The following IL1RAPL2 variants were observed in gnomAD, a reference collection of about 807,000 sequenced individuals.
IL1RAPL2 encodes the protein interleukin 1 receptor accessory protein like 2, also known as X-linked interleukin-1 receptor accessory protein-like 2.
A neutral mutation model predicts 44.1 loss-of-function variants in IL1RAPL2; 3 were observed. The observed-to-expected ratio is 0.07, with a 90% confidence interval of 0.03 to 0.18. The LOEUF is 0.18. IL1RAPL2 is among the 10% of genes least tolerant of loss of function. The pLI is 1.00. For synonymous variants in IL1RAPL2, 181 were observed against 178.8 expected (o/e 1.01, Z -0.10); for missense variants, 391 against 496.4 (o/e 0.79, Z 2.02).
Position 105,276,089 on chromosome X carries a change from A to G in IL1RAPL2, c.697+8548A>G, listed in dbSNP as rs1005906801. ...ATTTACTACTGATGTCTGAAACCAA[A>G]TCAGCAGAGGTAGCCGCTAACAATA... On this transcript the variant is annotated intron_variant, in intron 5 of 10. Coordinates refer to ENST00000372582, the MANE Select transcript of IL1RAPL2 (RefSeq NM_017416.2). 2.7e-5 allele frequency among the ~76,000 whole-genome samples: 3 copies of G among 112,651 alleles called. No individual in the cohort carries two copies. The Admixed American group carries it at 2.8e-4, about 11-fold the overall frequency.
At chrX:104,667,471 T>A (rs1930505428) in intron 2 of IL1RAPL2, among the ~76,000 whole-genome samples, 1 of 111,392 alleles carries the variant, frequency 9.0e-6, no homozygotes, top group South Asian at 3.9e-4. Context: ...TTACATACAT[T>A]GTCTCCTAAT....
intron 2 of IL1RAPL2, among the ~76,000 whole-genome samples, chrX:105,118,743 G>T (rs767183443): frequency 8.9e-6 from 1 of 112,208 alleles, no homozygotes; most frequent in Non-Finnish European, 1.9e-5. Context: ...TCCTGTTTGG[G>T]AAAACTCATG....
intron 2 of IL1RAPL2, among the ~76,000 whole-genome samples, chrX:105,161,047 C>T (rs900008183): frequency 3.6e-5 from 4 of 110,347 alleles, no homozygotes; most frequent in Admixed American, 2.9e-4. Context: ...TGAGACCAGC[C>T]TGGGCAACAT....
chrX:105,298,665 G>A (rs1417452766), intron 5 of IL1RAPL2, among the ~76,000 whole-genome samples: 2 of 110,088 alleles, frequency 1.8e-5, no homozygotes, highest in Non-Finnish European at 3.8e-5. Context: ...CTATTTAAAT[G>A]ACACTTAAAG....
intron 1 of IL1RAPL2, among the ~76,000 whole-genome samples, chrX:104,592,948 G>C (rs1928697795): frequency 9.0e-6 from 1 of 111,605 alleles, no homozygotes; most frequent in Admixed American, 9.6e-5. Context: ...GTAACACTCA[G>C]ACAAATCCCA....
At chrX:104,707,397 A>G (rs1198516310) in intron 2 of IL1RAPL2, among the ~76,000 whole-genome samples, 3 of 111,877 alleles carry the variant, frequency 2.7e-5, no homozygotes, top group Non-Finnish European at 5.7e-5. Flanking sequence ...CAGAAAACCT[A>G]GTATGAAAGA....
chrX:105,358,861 A>T (rs367792098), intron 5 of IL1RAPL2, among the ~76,000 whole-genome samples: 32 of 111,616 alleles, frequency 2.9e-4, no homozygotes, highest in African/African-American at 9.1e-4. Flanking sequence ...CTCTGTAAGG[A>T]AGTAAGAAAA....
intron 6 of IL1RAPL2, among the ~76,000 whole-genome samples, chrX:105,700,752 A>G (rs1206668589): frequency 8.9e-6 from 1 of 111,930 alleles, no homozygotes; most frequent in Non-Finnish European, 1.9e-5. Flanking sequence ...TCATTATTTT[A>G]CTACCCCTTT....
chrX:105,245,278 C>G (rs978110392), intron 4 of IL1RAPL2, among the ~76,000 whole-genome samples: 1 of 111,507 alleles, frequency 9.0e-6, no homozygotes, highest in African/African-American at 3.3e-5. Flanking sequence ...TCTCATAGTC[C>G]GTTTTGAGTT....
At chrX:104,567,353 C>T (rs1325436742) in intron 1 of IL1RAPL2, among the ~76,000 whole-genome samples, 1 of 112,866 alleles carries the variant, frequency 8.9e-6, no homozygotes. Flanking sequence ...CTCTCTGCGG[C>T]TGGCGCGCGG....
intron 2 of IL1RAPL2, among the ~76,000 whole-genome samples, chrX:104,897,684 G>A (rs1923694972): frequency 8.9e-6 from 1 of 112,111 alleles, no homozygotes; most frequent in Non-Finnish European, 1.9e-5. Flanking sequence ...AAAAACCTGT[G>A]CAGAAATCAG....
At chrX:104,675,837 C>A (rs1352937524) in intron 2 of IL1RAPL2, among the ~76,000 whole-genome samples, 5 of 109,250 alleles carry the variant, frequency 4.6e-5, no homozygotes, top group African/African-American at 1.0e-4. Context: ...TGAATTGATC[C>A]CTTTACCATT....
intron 2 of IL1RAPL2, among the ~76,000 whole-genome samples, chrX:104,659,344 T>G (rs968254515): frequency 1.8e-5 from 2 of 112,096 alleles, no homozygotes; most frequent in African/African-American, 6.5e-5. Flanking sequence ...CTTTGCCTCC[T>G]AATTGAGTGT....
chrX:105,048,120 T>C (rs912267935), intron 2 of IL1RAPL2, among the ~76,000 whole-genome samples: 3 of 110,865 alleles, frequency 2.7e-5, no homozygotes, highest in Non-Finnish European at 5.7e-5. Context: ...GGAGTGTCCA[T>C]TGTGACAGTC....
chrX:105,650,894 T>C (rs1157992384), intron 6 of IL1RAPL2, among the ~76,000 whole-genome samples: 1 of 112,310 alleles, frequency 8.9e-6, no homozygotes, highest in Admixed American at 9.5e-5. Context: ...TTTGTCCACG[T>C]CAGAAATAAT....
chrX:104,666,357 A>G (rs1930488269), intron 2 of IL1RAPL2, among the ~76,000 whole-genome samples: 1 of 112,183 alleles, frequency 8.9e-6, no homozygotes, highest in Non-Finnish European at 1.9e-5. Context: ...TAAGCTAATT[A>G]TTTAATGAAA....
chrX:104,744,729 G>C (rs1179449523), intron 2 of IL1RAPL2, among the ~76,000 whole-genome samples: 2 of 110,611 alleles, frequency 1.8e-5, no homozygotes, highest in Non-Finnish European at 3.8e-5. Context: ...CATTCTCTCT[G>C]TGTCTTTTAA....
At chrX:104,573,713 CTT>C (rs1349187796) in intron 1 of IL1RAPL2, among the ~76,000 whole-genome samples, 3 of 112,215 alleles carry the variant, frequency 2.7e-5, no homozygotes, top group African/African-American at 9.7e-5. Flanking sequence ...TCACGTATAA[CTT>C]ATATTGGAAA....
At chrX:105,735,134 C>T (rs2038437086) in intron 7 of IL1RAPL2, among the ~76,000 whole-genome samples, 1 of 111,469 alleles carries the variant, frequency 9.0e-6, no homozygotes, top group Admixed American at 9.6e-5. Flanking sequence ...AATTTCCAAA[C>T]TCTTTATAGT....
Sources: allele counts gnomAD v4.1 joint callset (sites outside exome capture counted in the v4.1 genomes callset), GRCh38; gene constraint gnomAD v4.1.1; transcripts MANE v1.5; gene names NCBI Gene and HGNC (gene_info 2026-07-23, HGNC 2026-07-21).